MTREX: variants seen among roughly 807,000 people sequenced by gnomAD.
MTREX encodes exosome RNA helicase MTR4.
MTREX carries 76 observed loss-of-function variants against 135.4 expected under a neutral mutation model. That is an observed-to-expected ratio of 0.56 (90% CI 0.47 to 0.68). The LOEUF (loss-of-function observed/expected upper bound fraction) is 0.68, where lower values mean the gene tolerates loss of function less well. Ranked by LOEUF, MTREX falls within the 30% of genes least tolerant of loss-of-function variation. The pLI is 0.00. For missense variants in MTREX, 920 were observed against 1,262.1 expected (o/e 0.73, Z 4.11); for synonymous variants, 404 against 401.6 (o/e 1.01, Z -0.07).
At position 55,410,668 on chromosome 5, in the gene MTREX, A is replaced by G. The variant is rs375625264; in HGVS notation, c.2751+39A>G. The stretch of plus-strand genomic sequence containing the variant: ...TTCAGCACATCTTATTTATTAATTC[A>G]CACATCATGTAGTTAATAGTGTTAT... On this transcript the variant is annotated intron_variant, in intron 23 of 26. Transcript: ENST00000230640. 2,206 of 1,242,574 alleles carry G rather than the reference A, an allele frequency of 1.8e-3. 4 individuals carry two copies. Among genetic ancestry groups the G allele is most frequent in the Non-Finnish European group, 1.7e-3 (1,478 of 850,780 alleles). The allele number at this position is 1,242,574 out of a possible 1,614,324, so 77.0% of individuals were successfully genotyped here. A position where few individuals can be genotyped will look rare whatever the true frequency, so the allele number is the denominator to read the frequency against.
chr5:55,409,950 C>T (rs1201633304), intron 22 of MTREX, among the ~76,000 whole-genome samples: 2 of 152,126 alleles, frequency 1.3e-5, no homozygotes, highest in Non-Finnish European at 2.9e-5. Context: ...TGTAGTGTCT[C>T]ACACCTGTAA....
chr5:55,402,973 G>A (rs1008299939), intron 21 of MTREX, among the ~76,000 whole-genome samples: 1 of 151,586 alleles, frequency 6.6e-6, no homozygotes, highest in Non-Finnish European at 1.5e-5. Flanking sequence ...AAGGCGGGAA[G>A]ATCACTTGAA....
At chr5:55,309,954 GAGAAAATAAGAA>G in intron 1 of MTREX, among the ~76,000 whole-genome samples, 1 of 152,338 alleles carries the variant, frequency 6.6e-6, no homozygotes, top group Non-Finnish European at 1.5e-5. Context: ...AAGCTTTTCA[GAGAAAATAAGAA>G]AGGAGGACCA....
intron 17 of MTREX, 74 bp downstream of exon 17, chr5:55,378,560 TA>T (rs1201413946): frequency 1.4e-6 from 2 of 1,423,642 alleles, no homozygotes; most frequent in Middle Eastern, 2.5e-4. Context: ...GATTCTAATT[TA>T]TTTTTTATTC....
At chr5:55,382,623 T>G (rs1047383821) in intron 18 of MTREX, among the ~76,000 whole-genome samples, 2 of 151,112 alleles carry the variant, frequency 1.3e-5, no homozygotes, top group East Asian at 3.9e-4. Context: ...TCATTTATGG[T>G]TTTTTTTTGT....
intron 19 of MTREX, among the ~76,000 whole-genome samples, chr5:55,391,688 A>AT (rs1346165784): frequency 6.6e-6 from 1 of 152,150 alleles, no homozygotes; most frequent in Non-Finnish European, 1.5e-5. Context: ...CAGAATGAAC[A>AT]TTTTTTTCTA....
At chr5:55,345,245 T>A in intron 10 of MTREX, 49 bp downstream of exon 10, 1 of 1,157,852 alleles carries the variant, frequency 8.6e-7, no homozygotes, top group Non-Finnish European at 1.3e-6. Context: ...AATTGTATAT[T>A]CAGATTACTC....
intron 14 of MTREX, among the ~76,000 whole-genome samples, chr5:55,353,790 A>G (rs540771440): frequency 6.6e-6 from 1 of 152,314 alleles, no homozygotes; most frequent in African/African-American, 2.4e-5. Context: ...AAAAAAAAAG[A>G]GATTCCTTTA....
rs1751093894 is a variant in MTREX, at chr5:55,423,687, A to G, written c.3076+705A>G. 1.3e-5 allele frequency: 2 copies of G among 152,294 alleles called. 1 individual carries two copies. The highest frequency in any genetic ancestry group is 4.2e-4 in the South Asian group (2 of 4,818). The allele number at this position is 152,294 out of a possible 1,614,324, so 9.4% of individuals were successfully genotyped here. ...ACAGTAGAAGTGGGGAGAACAGATC[A>G]AGAAAGGATGGCTAAACCAAGGTGG... On this transcript the variant is annotated intron_variant, in intron 26 of 26. Transcript: ENST00000230640.
Position 55,324,152 on chromosome 5 carries a change from G to T in MTREX, c.293G>T (p.Arg98Ile). The stretch of plus-strand genomic sequence containing the variant: ...TTAAGTTTGGCAGACCTGATGCCCA[G>T]AGTCAAGGTACAATCAGTTGAAACT... ...EDLSLADLMPRVKVQSVETVE... is the reference protein window; with the variant it reads ...EDLSLADLMPIVKVQSVETVE... Residue 98 changes from arginine (R) to isoleucine (I), a missense_variant, in exon 3 of 27, where the codon AGA becomes ATA. Around this residue, in one of 6 missense-constraint regions of MTREX, gnomAD observed 136 missense variants for 126.7 expected, o/e 1.07. Transcript: ENST00000230640. The T allele has an allele frequency of 6.2e-7, 1 of 1,611,402 alleles. No homozygotes were observed. Among genetic ancestry groups the T allele is most frequent in the Non-Finnish European group, 8.5e-7 (1 of 1,178,642 alleles).
At chr5:55,353,733 G>A (rs558411028) in intron 14 of MTREX, among the ~76,000 whole-genome samples, 11 of 152,018 alleles carry the variant, frequency 7.2e-5, no homozygotes, top group African/African-American at 2.7e-4. Flanking sequence ...ACAAACCTCC[G>A]TTCCCTTAAA....
chr5:55,310,415 T>G (rs992187027), intron 1 of MTREX, among the ~76,000 whole-genome samples: 2 of 152,076 alleles, frequency 1.3e-5, no homozygotes, highest in East Asian at 3.9e-4. Context: ...CGAGACCAGC[T>G]TCACCAACAT....
At chr5:55,346,186 G>A (rs1749729981) in intron 10 of MTREX, among the ~76,000 whole-genome samples, 1 of 152,144 alleles carries the variant, frequency 6.6e-6, no homozygotes, top group Non-Finnish European at 1.5e-5. Context: ...TATGTACCTA[G>A]GAGTGGAATT....
Position 55,351,005 on chromosome 5 carries a change from T to C in MTREX, c.1407T>C (p.Ile469=), listed in dbSNP as rs1468167492. The change falls in exon 13 of 27, where the codon ATT becomes ATC. Residue 469 remains isoleucine, a synonymous_variant. Coordinates refer to ENST00000230640, the MANE Select transcript of MTREX (RefSeq NM_015360.5). ...LLPILKETIE[I]LFSEGLIKAL... ...CTATTTTGAAAGAAACTATAGAAAT[T>C]CTCTTTTCTGAAGGATTGATAAAGG... is the stretch of plus-strand genomic sequence containing the variant. 1.4e-5 allele frequency: 23 copies of C among 1,605,532 alleles called. No homozygotes were observed. The highest frequency in any genetic ancestry group is 2.0e-5 in the Non-Finnish European group (23 of 1,178,020).
At chr5:55,410,742 T>G (rs1160936978) in intron 23 of MTREX, 113 bp downstream of exon 23, 1 of 502,738 alleles carries the variant, frequency 2.0e-6, no homozygotes, top group Non-Finnish European at 3.3e-6. Flanking sequence ...AAGGTAATGT[T>G]AATTGGAAAT....
chr5:55,363,512 T>C (rs1403570847), intron 15 of MTREX, among the ~76,000 whole-genome samples: 1 of 151,628 alleles, frequency 6.6e-6, no homozygotes, highest in Non-Finnish European at 1.5e-5. Flanking sequence ...TATCATTGGT[T>C]ACCTGTCTTG....
At chr5:55,376,125 C>T (rs981004442) in intron 16 of MTREX, among the ~76,000 whole-genome samples, 4 of 152,210 alleles carry the variant, frequency 2.6e-5, no homozygotes, top group Non-Finnish European at 5.9e-5. Context: ...CCTGATCTAA[C>T]GCCTCAGCTC....
intron 7 of MTREX, among the ~76,000 whole-genome samples, 200 bp from the exon 8 acceptor site, chr5:55,343,131 A>C (rs1749678229): frequency 6.6e-6 from 1 of 152,178 alleles, no homozygotes; most frequent in Non-Finnish European, 1.5e-5. Context: ...CATTGTATTT[A>C]TAGTGGTTTA....
intron 13 of MTREX, among the ~76,000 whole-genome samples, chr5:55,352,036 GTTTTGTTTTGT>G (rs1749838378): frequency 6.6e-6 from 1 of 150,776 alleles, no homozygotes; most frequent in Non-Finnish European, 1.5e-5. Context: ...GTTTTGTTTT[GTTTTGTTTTGT>G]TTTTGTTTTT....
Sources: allele counts gnomAD v4.1 joint callset (sites outside exome capture counted in the v4.1 genomes callset), GRCh38; gene constraint gnomAD v4.1.1; regional missense constraint gnomAD v4.1.1; transcripts MANE v1.5; gene names NCBI Gene and HGNC (gene_info 2026-07-23, HGNC 2026-07-21).